CDH13: variants seen among roughly 807,000 people sequenced by gnomAD.
CDH13 encodes the protein cadherin-13.
CDH13 carries 24 observed loss-of-function variants against 63.8 expected under a neutral mutation model. The observed-to-expected ratio is 0.38, with a 90% confidence interval of 0.27 to 0.53. The LOEUF (loss-of-function observed/expected upper bound fraction) is 0.53, where lower values mean the gene tolerates loss of function less well. Ranked by LOEUF, CDH13 falls within the 20% of genes least tolerant of loss-of-function variation. The pLI, the probability that CDH13 is intolerant of heterozygous loss-of-function variation, is 0.85. For missense variants in CDH13, 1,049 were observed against 903.1 expected (o/e 1.16, Z -2.07); for synonymous variants, 503 against 355.3 (o/e 1.42, Z -4.67).
At chr16:83,271,696 A>T (rs80216148) in intron 5 of CDH13, among the ~76,000 whole-genome samples, 11,936 of 152,128 alleles carry the variant, frequency 0.078, 516 homozygotes, top group East Asian at 0.16. Flanking sequence ...AGCATTATTT[A>T]TAGAAACCTT....
At chr16:83,610,520 T>C (rs146023302) in intron 8 of CDH13, among the ~76,000 whole-genome samples, 1 of 152,310 alleles carries the variant, frequency 6.6e-6, no homozygotes, top group African/African-American at 2.4e-5. Flanking sequence ...ACCTGCTCGG[T>C]AAAACAGCTC....
chr16:83,014,570 C>T (rs1396860894), intron 2 of CDH13, among the ~76,000 whole-genome samples: 2 of 149,982 alleles, frequency 1.3e-5, no homozygotes, highest in African/African-American at 2.5e-5. Context: ...CCTGTCTCTA[C>T]TAAAAATAAA....
intron 3 of CDH13, among the ~76,000 whole-genome samples, chr16:83,116,483 C>T (rs994482132): frequency 3.9e-5 from 6 of 152,184 alleles, no homozygotes; most frequent in South Asian, 4.1e-4. Context: ...CAGTGGATGG[C>T]GCTGCAGCCC....
intron 13 of CDH13, among the ~76,000 whole-genome samples, chr16:83,792,113 C>T (rs950119906): frequency 2.0e-5 from 3 of 152,066 alleles, no homozygotes; most frequent in Admixed American, 6.6e-5. Context: ...TATTGCGAAA[C>T]GTATTATGGA....
chr16:83,010,398 T>G (rs1057355260), intron 2 of CDH13, among the ~76,000 whole-genome samples: 2 of 152,128 alleles, frequency 1.3e-5, no homozygotes, highest in African/African-American at 4.8e-5. Flanking sequence ...TGCACGACTG[T>G]CAGAAATGGA....
At chr16:83,578,226 A>G (rs546560675) in intron 7 of CDH13, among the ~76,000 whole-genome samples, 2 of 152,312 alleles carry the variant, frequency 1.3e-5, no homozygotes, top group African/African-American at 4.8e-5. Context: ...TGGAGCAGGA[A>G]GAGTGTCTAG....
chr16:83,792,053 C>T (rs3096359), intron 13 of CDH13, among the ~76,000 whole-genome samples: 99,859 of 152,158 alleles, frequency 0.66, 33,321 homozygotes, highest in South Asian at 0.76. Context: ...CTAATAATGG[C>T]TTTGTCTTTT....
At chr16:83,144,532 C>T (rs1453090047) in intron 4 of CDH13, among the ~76,000 whole-genome samples, 2 of 152,176 alleles carry the variant, frequency 1.3e-5, no homozygotes, top group Non-Finnish European at 2.9e-5. Context: ...AACAACTTTA[C>T]GTTCAGGGCC....
In CDH13 at chr16:83,264,951, T is replaced by C. The variant is rs554120978; in HGVS notation, c.636+47454T>C. On this transcript the variant is annotated intron_variant, in intron 5 of 13. Transcript: ENST00000567109. The stretch of plus-strand genomic sequence containing the variant: ...TAAGAATCTGCTGTAAATAATTATA[T>C]GAAATACGACTCTGATAGAATTTTC... Among the ~76,000 whole-genome samples, 86 of 152,366 alleles carry C rather than the reference T, an allele frequency of 5.6e-4. 1 individual carries two copies. The highest frequency in any genetic ancestry group is 1.2e-3 in the South Asian group (6 of 4,828).
chr16:83,527,080 G>A (rs756065151), intron 7 of CDH13, among the ~76,000 whole-genome samples: 8 of 151,890 alleles, frequency 5.3e-5, no homozygotes, highest in South Asian at 2.1e-4. Flanking sequence ...GCTGTAAGCC[G>A]AGATTATGCC....
At chr16:83,259,292 C>G (rs962982809) in intron 5 of CDH13, among the ~76,000 whole-genome samples, 2 of 152,164 alleles carry the variant, frequency 1.3e-5, no homozygotes, top group African/African-American at 4.8e-5. Context: ...TTGAATGCTT[C>G]TCAGCATGAA....
chr16:82,949,461 T>C (rs1905075988), intron 2 of CDH13, among the ~76,000 whole-genome samples: 2 of 152,204 alleles, frequency 1.3e-5, no homozygotes, highest in Admixed American at 6.5e-5. Flanking sequence ...CTTTTGCAGA[T>C]TCCAGGGGTT....
Position 82,799,935 on chromosome 16 carries a change from C to T in CDH13, c.46-58427C>T, listed in dbSNP as rs115020581. The stretch of plus-strand genomic sequence containing the variant: ...AACGTATTGACTCCTAGGTAGGAAC[C>T]GTGGAACCACTGCGTTATCATGATA... On this transcript the variant is annotated intron_variant, in intron 1 of 13. Coordinates refer to ENST00000567109, the MANE Select transcript of CDH13 (RefSeq NM_001257.5). Among the ~76,000 whole-genome samples, 796 of 152,234 alleles carry T rather than the reference C, an allele frequency of 5.2e-3. 9 individuals carry two copies. Among genetic ancestry groups the T allele is most frequent in the African/African-American group, 0.019 (770 of 41,554 alleles).
Position 83,602,534 on chromosome 16 carries a change from C to G in CDH13, c.1041C>G (p.Ala347=), listed in dbSNP as rs1907950050. 2 of 1,613,810 alleles carry G rather than the reference C, an allele frequency of 1.2e-6. No individual in the cohort carries two copies. Among genetic ancestry groups the G allele is most frequent in the African/African-American group, 1.3e-5 (1 of 74,914 alleles). The change falls in exon 8 of 14, where the codon GCC becomes GCG. Residue 347 remains alanine, a synonymous_variant. Coordinates refer to ENST00000567109, the MANE Select transcript of CDH13 (RefSeq NM_001257.5). ...TGGATGTTGGATTAACAGGCACGGC[C>G]ACAGCCACGATCATGATCGATGACA... ...AGLDVGLTGT[A]TATIMIDDKN...
intron 8 of CDH13, among the ~76,000 whole-genome samples, chr16:83,645,727 C>G (rs901833495): frequency 6.6e-6 from 1 of 151,758 alleles, no homozygotes; most frequent in African/African-American, 2.4e-5. Flanking sequence ...CTAGCCCCTG[C>G]AGGTGGCCCG....
intron 2 of CDH13, among the ~76,000 whole-genome samples, chr16:82,909,393 A>T (rs1193176640): frequency 6.6e-6 from 1 of 152,136 alleles, no homozygotes; most frequent in Non-Finnish European, 1.5e-5. Context: ...ATACTACTAT[A>T]TGAATTTTTC....
chr16:82,942,911 C>G (rs1285659963), intron 2 of CDH13, among the ~76,000 whole-genome samples: 1 of 152,152 alleles, frequency 6.6e-6, no homozygotes, highest in East Asian at 1.9e-4. Flanking sequence ...TGGACTCGTA[C>G]TCAGTTCTGT....
At chr16:83,283,973 T>C (rs1170482474) in intron 5 of CDH13, among the ~76,000 whole-genome samples, 1 of 152,158 alleles carries the variant, frequency 6.6e-6, no homozygotes, top group East Asian at 1.9e-4. Context: ...AATAAATAAA[T>C]GAATGTAAGT....
chr16:82,895,432 T>A (rs2041219790), intron 2 of CDH13, among the ~76,000 whole-genome samples: 1 of 152,186 alleles, frequency 6.6e-6, no homozygotes, highest in Non-Finnish European at 1.5e-5. Context: ...CCTGCTAGTC[T>A]TTTCTTCACT....
Sources: gnomAD v4.1 joint callset for allele counts (sites outside exome capture counted in the v4.1 genomes callset) on GRCh38, gnomAD v4.1.1 for gene constraint, MANE v1.5 for transcripts, NCBI Gene and HGNC (gene_info 2026-07-23, HGNC 2026-07-21) for gene names.